ARHGEF1: variants seen among roughly 807,000 people sequenced by gnomAD.
ARHGEF1 encodes the protein 115 kDa guanine nucleotide exchange factor.
A neutral mutation model predicts 119.7 loss-of-function variants in ARHGEF1; 40 were observed. The observed-to-expected ratio is 0.33, with a 90% confidence interval of 0.26 to 0.44. The LOEUF is 0.44. ARHGEF1 is among the 20% of genes least tolerant of loss of function. ARHGEF1 has a pLI of 1.00. For synonymous variants in ARHGEF1, 494 were observed against 521.0 expected (o/e 0.95, Z 0.71); for missense variants, 976 against 1,268.3 (o/e 0.77, Z 3.50).
intron 13 of ARHGEF1, chr19:41,897,205 G>A: frequency 9.0e-7 from 1 of 1,110,704 alleles, no homozygotes; most frequent in Non-Finnish European, 1.2e-6. Flanking sequence ...GGCAGGCTCT[G>A]CCTCCTGCCC....
At chr19:41,894,141 T>TGTGTGG in intron 8 of ARHGEF1, 66 bp from the exon 9 acceptor site, 1 of 843,024 alleles carries the variant, frequency 1.2e-6, no homozygotes. Flanking sequence ...TGTGAGTGTG[T>TGTGTGG]GTGTGTGTGT....
At chr19:41,907,783 G>A (rs1380890760), downstream of ARHGEF1, 1 of 192,672 alleles carries the variant, frequency 5.2e-6, no homozygotes, top group Non-Finnish European at 1.0e-5. Context: ...GTGGGGAGGG[G>A]GGCCCCTCCT....
intron 14 of ARHGEF1, among the ~76,000 whole-genome samples, chr19:41,900,191 A>G (rs34770406): frequency 0.9 from 136,783 of 152,072 alleles, 61,835 homozygotes; most frequent in East Asian, 1. Flanking sequence ...AAAATTAGCC[A>G]AGCATAGTGG....
Position 41,904,292 on chromosome 19 carries a change from T to C in ARHGEF1, c.2070T>C (p.His690=), listed in dbSNP as rs2074654748. Residue 690 remains histidine (H), a synonymous_variant, in exon 22 of 29, where the codon CAT becomes CAC. Coordinates refer to ENST00000354532, the MANE Select transcript of ARHGEF1 (RefSeq NM_004706.4). This position sits in a 1 kb window ranked among gnomAD's most constrained non-coding sequence, Gnocchi z 8.4. ...ACGAGCGGCTGCTGCTCAAGTCCCA[T>C]AGCCGGACACTGACGCCCACGCCCG... is the stretch of plus-strand genomic sequence containing the variant. The part of the protein sequence containing the change: ...RQDERLLLKS[H]SRTLTPTPDG... 6.2e-7 allele frequency: 1 copy of C among 1,612,084 alleles called. No individual in the cohort carries two copies. The highest frequency in any genetic ancestry group is 8.5e-7 in the Non-Finnish European group (1 of 1,179,700).
rs1555850446 is a variant in ARHGEF1 at position 41,907,099 on chromosome 19, C to T, written c.*18-6C>T. On this transcript the variant is annotated splice_polypyrimidine_tract_variant and splice_region_variant and intron_variant, in intron 28 of 28. Coordinates refer to ENST00000354532, the MANE Select transcript of ARHGEF1 (RefSeq NM_004706.4). Reference sequence around the variant, plus strand: ...CCCGTCTCCCCTCTTCTCCTACATCCCCCAGGCCTTTTGCAAGAAGGAGAG... The same window carrying T: ...CCCGTCTCCCCTCTTCTCCTACATCTCCCAGGCCTTTTGCAAGAAGGAGAG... 1 of 1,513,098 alleles carries T rather than the reference C, an allele frequency of 6.6e-7. No individual in the cohort carries two copies. The highest frequency in any genetic ancestry group is 8.8e-7 in the Non-Finnish European group (1 of 1,136,622). The allele number at this position is 1,513,098 out of a possible 1,614,324, so 93.7% of individuals were successfully genotyped here.
chr19:41,895,537 G>T, intron 12 of ARHGEF1, 51 bp downstream of exon 12: 2 of 1,535,616 alleles, frequency 1.3e-6, no homozygotes, highest in Non-Finnish European at 1.8e-6. Flanking sequence ...TCCAGGGTGG[G>T]GGTGCTGCCT....
chr19:41,915,638 C>T (rs2074796222), intron 18 of ARHGEF1, among the ~76,000 whole-genome samples: 1 of 152,092 alleles, frequency 6.6e-6, no homozygotes, highest in African/African-American at 2.4e-5. Context: ...TCATCTGTCT[C>T]TGTCTCCATG....
At position 41,902,205 on chromosome 19, in the gene ARHGEF1, C is replaced by T; in HGVS notation, c.1415-69C>T. 1 of 1,591,748 alleles carries T rather than the reference C, an allele frequency of 6.3e-7. No homozygotes were observed. The highest frequency in any genetic ancestry group is 8.6e-7 in the Non-Finnish European group (1 of 1,162,360). ...CACACCTGCAGCCCTACCCCCACCA[C>T]ACCGCAGCAGGCCCCGCACAGCATC... On this transcript the variant is annotated intron_variant, in intron 15 of 28. Transcript: ENST00000354532. The surrounding 1 kb of genome is among the most constrained non-coding windows in gnomAD (Gnocchi z 6.5).
intron 13 of ARHGEF1, chr19:41,896,766 A>C (rs185955886): frequency 6.4e-4 from 286 of 447,122 alleles, no homozygotes; most frequent in African/African-American, 3.0e-3. Context: ...CCTCTCCACC[A>C]CTCCTTCCAT....
intron 1 of ARHGEF1, among the ~76,000 whole-genome samples, chr19:41,926,570 G>A (rs1403779280): frequency 1.3e-5 from 2 of 152,144 alleles, no homozygotes; most frequent in African/African-American, 4.8e-5. Flanking sequence ...TGGCTCTCGG[G>A]TCCCTCCCGT....
At chr19:41,918,912 A>G (rs1321880739), upstream of ARHGEF1, among the ~76,000 whole-genome samples, 1 of 149,442 alleles carries the variant, frequency 6.7e-6, no homozygotes, top group African/African-American at 2.5e-5. Context: ...ACACACATAC[A>G]CCACACACAC....
At chr19:41,907,775 G>T (rs568710288), downstream of ARHGEF1, 7 of 192,828 alleles carry the variant, frequency 3.6e-5, 1 homozygote, top group South Asian at 1.2e-3. Context: ...GGGAGCTGGT[G>T]GGGAGGGGGG....
In ARHGEF1 at chr19:41,892,702, A is replaced by T; in HGVS notation, c.467A>T (p.Asp156Val). The T allele has an allele frequency of 6.2e-7, 1 of 1,613,500 alleles. No homozygotes were observed. The highest frequency in any genetic ancestry group is 8.5e-7 in the Non-Finnish European group (1 of 1,179,806). Reference sequence around the variant, plus strand: ...GTAGCCGTGGGCCGGCAGCTGGAGGACTTCCGTTCCAAGCGGCTCATGGGC... The same window carrying T: ...GTAGCCGTGGGCCGGCAGCTGGAGGTCTTCCGTTCCAAGCGGCTCATGGGC... Reference protein sequence around the residue: ...QQVAVGRQLEDFRSKRLMGMT... With the variant: ...QQVAVGRQLEVFRSKRLMGMT... Residue 156 changes from aspartate to valine, a missense_variant, in exon 7 of 29, where the codon GAC becomes GTC. Around this residue, in one of 3 missense-constraint regions of ARHGEF1, gnomAD observed 519 missense variants for 580.9 expected, o/e 0.89. Coordinates refer to ENST00000354532, the MANE Select transcript of ARHGEF1 (RefSeq NM_004706.4). This position sits in a 1 kb window ranked among gnomAD's most constrained non-coding sequence, Gnocchi z 6.3.
At chr19:41,885,046 T>C (rs1431497046) in intron 1 of ARHGEF1, among the ~76,000 whole-genome samples, 4 of 152,126 alleles carry the variant, frequency 2.6e-5, no homozygotes, top group African/African-American at 9.7e-5. Context: ...TCAACACCCA[T>C]GTGGCCCCCC....
Position 41,906,842 on chromosome 19 carries a change from A to T in ARHGEF1, c.*17+39A>T. On this transcript the variant is annotated intron_variant, in intron 28 of 28. Transcript: ENST00000354532. This position sits in a 1 kb window ranked among gnomAD's most constrained non-coding sequence, Gnocchi z 4.5. ...CTGGGGGCCAGGGCGCTGTCCTGAA[A>T]GGAGGGTCCCCCTCCAGAGCTCGCA... 6.6e-7 allele frequency: 1 copy of T among 1,508,260 alleles called. No homozygotes were observed. The highest frequency in any genetic ancestry group is 9.0e-7 in the Non-Finnish European group (1 of 1,112,194). 93.4% of individuals were successfully genotyped at this position (1,508,260 alleles called of 1,614,324 possible).
chr19:41,926,696 G>A (rs987335962), intron 1 of ARHGEF1, among the ~76,000 whole-genome samples: 54 of 152,158 alleles, frequency 3.5e-4, no homozygotes, highest in Non-Finnish European at 2.6e-4. Flanking sequence ...GCGCGTCTGG[G>A]CCGCGGCGGC....
In ARHGEF1 at chr19:41,895,383, C is replaced by T. The variant is rs782392629; in HGVS notation, c.912C>T (p.Gly304=). 1.2e-5 allele frequency: 20 copies of T among 1,612,274 alleles called. No homozygotes were observed. Among genetic ancestry groups the T allele is most frequent in the Non-Finnish European group, 1.5e-5 (18 of 1,179,430 alleles). The change falls in exon 12 of 29, where the codon GGC becomes GGT. Residue 304 remains glycine (G), a synonymous_variant. Coordinates refer to ENST00000354532, the MANE Select transcript of ARHGEF1 (RefSeq NM_004706.4). ...EKPGATDRKG[G]VGMPSRDRNI... ...CAGGTGCTACAGACCGGAAGGGAGG[C>T]GTGGGGATGCCCTCTCGGGACCGGA... is the stretch of plus-strand genomic sequence containing the variant.
chr19:41,924,453 C>G (rs1289078460), intron 1 of ARHGEF1, among the ~76,000 whole-genome samples: 1 of 152,046 alleles, frequency 6.6e-6, no homozygotes, highest in Non-Finnish European at 1.5e-5. Flanking sequence ...GTGTGAAGAA[C>G]TTGGTGTCTG....
chr19:41,894,715 A>G (rs2074448578), intron 11 of ARHGEF1, 54 bp downstream of exon 11: 1 of 1,601,498 alleles, frequency 6.2e-7, no homozygotes, highest in Non-Finnish European at 8.5e-7. Flanking sequence ...GGGAGAGGCT[A>G]GGACCTGGAC....
Sources: gnomAD v4.1 joint callset for allele counts (sites outside exome capture counted in the v4.1 genomes callset) on GRCh38, gnomAD v4.1.1 for gene constraint, gnomAD v4.1.1 regional missense constraint, Gnocchi (gnomAD v3.1) non-coding constraint, MANE v1.5 for transcripts, NCBI Gene and HGNC (gene_info 2026-07-23, HGNC 2026-07-21) for gene names.